Variants in DMGDH observed in about 807,000 individuals in gnomAD.
DMGDH encodes the protein dimethylglycine dehydrogenase, also known as dimethylglycine dehydrogenase, mitochondrial.
DMGDH carries 76 observed loss-of-function variants against 95.2 expected under a neutral mutation model. The observed-to-expected ratio is 0.80, with a 90% confidence interval of 0.66 to 0.97. The LOEUF (loss-of-function observed/expected upper bound fraction) is 0.97, where lower values mean the gene tolerates loss of function less well. DMGDH is among the 50% of genes least tolerant of loss of function. DMGDH has a pLI of 0.00. For missense variants in DMGDH, 987 were observed against 1,055.0 expected, an observed-to-expected ratio of 0.94 and a Z score of 0.89; for synonymous variants, 345 against 377.6, an observed-to-expected ratio of 0.91 and a Z score of 1.00.
Position 78,998,034 on chromosome 5 carries a change from G to A in DMGDH, c.*48C>T, listed in dbSNP as rs1753389475. On this transcript the variant is annotated 3_prime_UTR_variant, in exon 16 of 16. Transcript: ENST00000255189. ...TGGGAGCCAGTTATAATAATTTCAAGGACAGTCATTAGCAACTCTAATTCA... is the reference window on the plus strand; with the variant it reads ...TGGGAGCCAGTTATAATAATTTCAAAGACAGTCATTAGCAACTCTAATTCA... 1.9e-6 allele frequency: 3 copies of A among 1,585,840 alleles called. No homozygotes were observed. The South Asian group carries it at 3.3e-5, about 18-fold the overall frequency.
intron 2 of DMGDH, among the ~76,000 whole-genome samples, chr5:79,056,542 C>CAATA (rs1167004031): frequency 6.6e-6 from 1 of 150,722 alleles, no homozygotes; most frequent in Admixed American, 6.6e-5. Context: ...AACTCCATCT[C>CAATA]AATAAATAAA....
chr5:79,024,454 G>C, intron 13 of DMGDH, 124 bp from the exon 14 acceptor site: 1 of 922,212 alleles, frequency 1.1e-6, no homozygotes, highest in Non-Finnish European at 1.7e-6. Flanking sequence ...CTAAAGAAAG[G>C]CAAACTATAG....
At chr5:79,056,308 C>T (rs1048340806) in intron 2 of DMGDH, among the ~76,000 whole-genome samples, 11 of 152,170 alleles carry the variant, frequency 7.2e-5, no homozygotes, top group Non-Finnish European at 1.6e-4. Flanking sequence ...GTCAAGAGTT[C>T]GAGACCAGCC....
chr5:79,047,574 C>T (rs1754716465), intron 5 of DMGDH, among the ~76,000 whole-genome samples: 1 of 152,074 alleles, frequency 6.6e-6, no homozygotes, highest in Non-Finnish European at 1.5e-5. Flanking sequence ...GAGAAAAAGC[C>T]TGCATCATAA....
At chr5:79,046,526 T>C (rs1027751351) in intron 5 of DMGDH, among the ~76,000 whole-genome samples, 1 of 152,202 alleles carries the variant, frequency 6.6e-6, no homozygotes, top group African/African-American at 2.4e-5. Flanking sequence ...TAGATGGGAC[T>C]ATAGGCACAT....
intron 14 of DMGDH, among the ~76,000 whole-genome samples, chr5:79,023,137 A>G (rs1034769435): frequency 1.3e-5 from 2 of 152,218 alleles, no homozygotes; most frequent in Non-Finnish European, 2.9e-5. Flanking sequence ...ATAGCTCAGA[A>G]TTTGGGAACT....
At chr5:79,037,090 G>C (rs1754366965) in intron 7 of DMGDH, among the ~76,000 whole-genome samples, 1 of 152,150 alleles carries the variant, frequency 6.6e-6, no homozygotes, top group African/African-American at 2.4e-5. Context: ...CCCAGGAAGA[G>C]AGCCCTCACC....
intron 5 of DMGDH, among the ~76,000 whole-genome samples, chr5:79,050,716 AT>A (rs773052264): frequency 1.3e-4 from 20 of 152,238 alleles, no homozygotes; most frequent in Non-Finnish European, 2.4e-4. Context: ...GCAAATGAAA[AT>A]GAGTGTGTTG....
At chr5:79,062,888 T>C (rs1454938904) in intron 2 of DMGDH, among the ~76,000 whole-genome samples, 1 of 152,084 alleles carries the variant, frequency 6.6e-6, no homozygotes, top group South Asian at 2.1e-4. Context: ...GGTCAAGAGA[T>C]AGAGACCAGC....
chr5:79,017,462 C>T (rs1272982317), intron 14 of DMGDH, among the ~76,000 whole-genome samples: 1 of 152,174 alleles, frequency 6.6e-6, no homozygotes, highest in Non-Finnish European at 1.5e-5. Flanking sequence ...TGAGACATCA[C>T]TACATATCTC....
At chr5:79,011,530 T>A in intron 14 of DMGDH, among the ~76,000 whole-genome samples, 1 of 152,242 alleles carries the variant, frequency 6.6e-6, no homozygotes. Flanking sequence ...TGTATTAGTC[T>A]GCTCTTGCAT....
chr5:79,026,502 C>T lies in DMGDH; in HGVS notation c.2112G>A (p.Glu704=). The change falls in exon 13 of 16, where the codon GAG becomes GAA. Residue 704 remains glutamate, a synonymous_variant. Transcript: ENST00000255189. ...LYDAIMNAGQ[E]EGIDNFGTYA... is the part of the protein sequence containing the mutation. The stretch of plus-strand genomic sequence containing the variant: ...AGGTTCCAAAATTGTCGATTCCCTC[C>T]TCCTGGCCTGCATTCATGATAGCGT... 2 of 1,614,186 alleles carry T rather than the reference C, an allele frequency of 1.2e-6. No individual in the cohort carries two copies. Among genetic ancestry groups the T allele is most frequent in the Non-Finnish European group, 1.7e-6 (2 of 1,180,036 alleles).
intron 14 of DMGDH, among the ~76,000 whole-genome samples, chr5:79,016,188 A>G (rs1310878855): frequency 6.6e-6 from 1 of 152,014 alleles, no homozygotes; most frequent in East Asian, 1.9e-4. Context: ...CAGTGAGCCA[A>G]GATCGCGCCA....
chr5:79,024,438 C>G (rs183648971), intron 13 of DMGDH, 108 bp from the exon 14 acceptor site: 1 of 1,117,614 alleles, frequency 8.9e-7, no homozygotes, highest in Non-Finnish European at 1.3e-6. Flanking sequence ...TTTTTCAACA[C>G]AGATTCTAAA....
rs148390004 is a variant in DMGDH, at chr5:79,060,179, T to C, written c.276+3434A>G. Among the ~76,000 whole-genome samples the C allele has an allele frequency of 7.4e-3, 1,122 of 152,292 alleles. 14 individuals carry two copies. The highest frequency in any genetic ancestry group is 0.026 in the African/African-American group (1,078 of 41,566). On this transcript the variant is annotated intron_variant, in intron 2 of 15. Coordinates refer to ENST00000255189, the MANE Select transcript of DMGDH (RefSeq NM_013391.3). ...TCTTACATTTGCAGACAAAAACAAA[T>C]GGAAAGTTCTTATATCACCTCCTAC...
chr5:79,063,549 G>A (rs577653546), intron 2 of DMGDH, 64 bp downstream of exon 2: 3 of 1,600,872 alleles, frequency 1.9e-6, no homozygotes, highest in Admixed American at 3.3e-5. Context: ...TTGTGAACGG[G>A]AAGGAAATGG....
intron 14 of DMGDH, among the ~76,000 whole-genome samples, chr5:79,017,635 A>C (rs968622990): frequency 1.5e-4 from 23 of 152,358 alleles, no homozygotes; most frequent in African/African-American, 5.1e-4. Context: ...CATTTTATTC[A>C]GTCATTTCAC....
chr5:79,024,324 A>T lies in DMGDH; in HGVS notation c.2197T>A (p.Cys733Ser). 1 of 1,613,530 alleles carries T rather than the reference A, an allele frequency of 6.2e-7. No individual in the cohort carries two copies. The highest frequency in any genetic ancestry group is 8.5e-7 in the Non-Finnish European group (1 of 1,179,608). ...CCAGCTTCCAAAGGATTTGTATCAC[A>T]GTTCATCTAAAAAGGAAACACACAT... ...AFRAWGLEMN[C>S]DTNPLEAGLE... The change falls in exon 14 of 16, where the codon TGT becomes AGT. Residue 733 changes from cysteine (C) to serine (S), a missense_variant. Cys to Ser is a moderately radical substitution (Grantham distance 112). Transcript: ENST00000255189.
At chr5:79,032,577 T>A in intron 9 of DMGDH, 110 bp downstream of exon 9, 1 of 1,467,802 alleles carries the variant, frequency 6.8e-7, no homozygotes. Flanking sequence ...AGCTCAGTGC[T>A]CCTTGGAACA....
Sources: allele counts gnomAD v4.1 joint callset (sites outside exome capture counted in the v4.1 genomes callset), GRCh38; gene constraint gnomAD v4.1.1; transcripts MANE v1.5; gene names NCBI Gene and HGNC (gene_info 2026-07-23, HGNC 2026-07-21).